The following NUP58 variants were observed in gnomAD, a reference collection of about 807,000 sequenced individuals.
NUP58 encodes nucleoporin p58/p45.
In NUP58, 17 loss-of-function variants were observed where a neutral mutation model predicts 70.1. The ratio of observed to expected loss-of-function variants is 0.24; its 90% CI spans 0.17 to 0.36. The LOEUF (loss-of-function observed/expected upper bound fraction) is 0.36, where lower values mean the gene tolerates loss of function less well. Ranked by LOEUF, NUP58 falls within the 10% of genes least tolerant of loss-of-function variation. The probability of loss-of-function intolerance (pLI) is 1.00; values close to 1 mark genes in which losing one functional copy is unlikely to be tolerated. For missense variants in NUP58, 644 were observed against 701.5 expected, an observed-to-expected ratio of 0.92 and a Z score of 0.93; for synonymous variants, 275 against 257.6, an observed-to-expected ratio of 1.07 and a Z score of -0.65.
chr13:25,324,797 T>TA (rs757818983), intron 9 of NUP58, among the ~76,000 whole-genome samples, 192 bp from the exon 10 acceptor site: 60 of 152,338 alleles, frequency 3.9e-4, no homozygotes, highest in Non-Finnish European at 1.9e-4. Flanking sequence ...GTTAAAACTG[T>TA]AATTTGTCTG....
At chr13:25,307,693 T>C (rs2030440301) in intron 1 of NUP58, 113 bp from the exon 2 acceptor site, 2 of 985,074 alleles carry the variant, frequency 2.0e-6, no homozygotes, top group African/African-American at 3.3e-5. Context: ...ATATGTTATG[T>C]GAATGAAATT....
At chr13:25,346,613 G>T (rs1186170837), downstream of NUP58, among the ~76,000 whole-genome samples, 1 of 151,740 alleles carries the variant, frequency 6.6e-6, no homozygotes, top group Non-Finnish European at 1.5e-5. Flanking sequence ...TCAGCTACTC[G>T]GGAGGCTGAG....
At chr13:25,320,697 C>G in intron 8 of NUP58, 102 bp downstream of exon 8, 1 of 849,890 alleles carries the variant, frequency 1.2e-6, no homozygotes, top group Non-Finnish European at 1.8e-6. Context: ...AGAGGAGCAT[C>G]TCTTAACTAG....
chr13:25,340,548 T>C lies in NUP58; in HGVS notation c.*414T>C, dbSNP rs2031923470. Reference sequence around the variant, plus strand: ...CAATTTGTTCCTTGTTAAAGGCCTTTTGAATTATACTGCAGGGCATCTTGT... The same window carrying C: ...CAATTTGTTCCTTGTTAAAGGCCTTCTGAATTATACTGCAGGGCATCTTGT... On this transcript the variant is annotated 3_prime_UTR_variant, in exon 16 of 16. Transcript: ENST00000381736. 6.5e-6 allele frequency: 1 copy of C among 154,302 alleles called. No individual in the cohort carries two copies. The highest frequency in any genetic ancestry group is 2.4e-5 in the African/African-American group (1 of 41,512). 9.6% of individuals were successfully genotyped at this position (154,302 alleles called of 1,614,324 possible).
chr13:25,327,148 A>G (rs1211668547), intron 11 of NUP58, 114 bp downstream of exon 11: 9 of 635,666 alleles, frequency 1.4e-5, no homozygotes, highest in Admixed American at 1.1e-4. Context: ...AAATTTCCTT[A>G]AAAGTCATTT....
chr13:25,347,188 T>G (rs73168531), downstream of NUP58, among the ~76,000 whole-genome samples: 4,837 of 152,286 alleles, frequency 0.032, 85 homozygotes, highest in Non-Finnish European at 0.046. Context: ...TGGCTTCATG[T>G]TGGCACTCAA....
At chr13:25,329,724 C>G (rs1047826293) in intron 12 of NUP58, among the ~76,000 whole-genome samples, 1 of 152,168 alleles carries the variant, frequency 6.6e-6, no homozygotes, top group African/African-American at 2.4e-5. Flanking sequence ...GTTAACTATT[C>G]TATCCAGCCA....
chr13:25,339,894 C>T (rs2031902197), intron 15 of NUP58, 71 bp from the exon 16 acceptor site: 4 of 1,298,698 alleles, frequency 3.1e-6, no homozygotes, highest in African/African-American at 1.5e-5. Flanking sequence ...AAATTTACTG[C>T]TCCTCCCTGT....
chr13:25,305,626 A>G (rs2030310185), intron 1 of NUP58, among the ~76,000 whole-genome samples: 1 of 152,092 alleles, frequency 6.6e-6, no homozygotes, highest in African/African-American at 2.4e-5. Context: ...TCTACCCTTA[A>G]TAAGCTCCTC....
At chr13:25,312,018 T>C (rs1390852567) in intron 3 of NUP58, among the ~76,000 whole-genome samples, 1 of 152,146 alleles carries the variant, frequency 6.6e-6, no homozygotes, top group Non-Finnish European at 1.5e-5. Context: ...AATGAGGACT[T>C]AGGTAAATGT....
intron 6 of NUP58, 103 bp from the exon 7 acceptor site, chr13:25,319,223 C>A: frequency 4.4e-6 from 3 of 681,484 alleles, no homozygotes; most frequent in Non-Finnish European, 7.0e-6. Flanking sequence ...AAATGCTTAA[C>A]AGTTTATATT....
intron 5 of NUP58, among the ~76,000 whole-genome samples, chr13:25,314,412 T>C (rs991204550): frequency 6.6e-6 from 1 of 151,986 alleles, no homozygotes; most frequent in Non-Finnish European, 1.5e-5. Context: ...ATAGATTTAT[T>C]AGGCTGGACA....
chr13:25,332,484 G>A, intron 13 of NUP58: 2 of 983,700 alleles, frequency 2.0e-6, no homozygotes, highest in Non-Finnish European at 2.4e-6. Flanking sequence ...CTATTCAATA[G>A]CATGTGTCTT....
rs2031899316 is a variant in NUP58 at position 25,339,786 on chromosome 13, G to T, written c.1631-179G>T. Among the ~76,000 whole-genome samples the T allele has an allele frequency of 2.6e-5, 4 of 152,240 alleles. No individual in the cohort carries two copies. The South Asian group carries it at 8.3e-4, about 32-fold the overall frequency. ...ACACTCTCTTTCAGGGTGCCACTTA[G>T]TTGTTAGCTATATTATTTTCCTGTT... On this transcript the variant is annotated intron_variant, in intron 15 of 15. Transcript: ENST00000381736.
intron 15 of NUP58, 25 bp downstream of exon 15, chr13:25,338,756 C>G (rs766906173): frequency 1.9e-6 from 3 of 1,569,232 alleles, no homozygotes; most frequent in Non-Finnish European, 2.6e-6. Context: ...GCCTGGATTT[C>G]AGGCAAATTT....
chr13:25,343,133 C>T (rs762810760), downstream of NUP58, among the ~76,000 whole-genome samples: 11 of 151,886 alleles, frequency 7.2e-5, no homozygotes, highest in African/African-American at 1.7e-4. Context: ...GAGCAGTAGG[C>T]GCTGACCCAG....
At chr13:25,320,782 C>T (rs1180352533) in intron 8 of NUP58, 137 bp from the exon 9 acceptor site, 1 of 734,424 alleles carries the variant, frequency 1.4e-6, no homozygotes, top group East Asian at 2.8e-5. Context: ...AACTTCCATT[C>T]TGTAAAAAAG....
chr13:25,343,671 G>A (rs1156263100), downstream of NUP58, among the ~76,000 whole-genome samples: 1 of 151,516 alleles, frequency 6.6e-6, no homozygotes. Context: ...TGGCCAGCCT[G>A]GTCTCAAACT....
chr13:25,318,055 C>T (rs1593184897), intron 6 of NUP58, among the ~76,000 whole-genome samples: 1 of 151,728 alleles, frequency 6.6e-6, no homozygotes, highest in South Asian at 2.1e-4. Context: ...TTTGGCCAGG[C>T]GCAGTGGCTC....
Sources: allele counts gnomAD v4.1 joint callset (sites outside exome capture counted in the v4.1 genomes callset), GRCh38; gene constraint gnomAD v4.1.1; transcripts MANE v1.5; gene names NCBI Gene and HGNC (gene_info 2026-07-23, HGNC 2026-07-21).